PSMB5: variants seen among roughly 807,000 people sequenced by gnomAD.
PSMB5 encodes proteasome 20S subunit beta 5.
A neutral mutation model predicts 22.8 loss-of-function variants in PSMB5; 2 were observed. The ratio of observed to expected loss-of-function variants is 0.09; its 90% CI spans 0.04 to 0.28. The LOEUF (loss-of-function observed/expected upper bound fraction) is 0.28, where lower values mean the gene tolerates loss of function less well. PSMB5 is among the 10% of genes least tolerant of loss of function. The pLI, the probability that PSMB5 is intolerant of heterozygous loss-of-function variation, is 1.00. For missense variants in PSMB5, 269 were observed against 343.8 expected (o/e 0.78, Z 1.72); for synonymous variants, 133 against 135.3 (o/e 0.98, Z 0.12).
chr14:23,026,371 G>A lies in PSMB5; in HGVS notation c.510C>T (p.Leu170=), dbSNP rs774264387. The change falls in exon 3 of 3, where the codon CTC becomes CTT. Residue 170 remains leucine, a synonymous_variant. Transcript: ENST00000361611. ...GGTTCCCTTCACTGTCCACGTAGTA[G>A]AGGCCTGGAAAGGGAGATGAGGTTA... The part of the protein sequence containing the change: ...ICGWDKRGPG[L]YYVDSEGNRI... 21 of 1,613,506 alleles carry A rather than the reference G, an allele frequency of 1.3e-5. No homozygotes were observed. The highest frequency in any genetic ancestry group is 8.3e-5 in the Admixed American group (5 of 59,970).
chr14:23,031,761 G>A (rs1594714397), intron 2 of PSMB5, among the ~76,000 whole-genome samples: 1 of 152,168 alleles, frequency 6.6e-6, no homozygotes, highest in Non-Finnish European at 1.5e-5. Flanking sequence ...TAGCATGATT[G>A]TAAGGGTGAT....
At chr14:23,027,338 G>A (rs1236313213) in intron 2 of PSMB5, among the ~76,000 whole-genome samples, 8 of 145,354 alleles carry the variant, frequency 5.5e-5, no homozygotes, top group African/African-American at 1.8e-4. Context: ...CCGAGATCGC[G>A]CCACTGCACT....
intron 2 of PSMB5, among the ~76,000 whole-genome samples, chr14:23,032,892 C>T (rs902969787): frequency 1.0e-4 from 15 of 147,530 alleles, no homozygotes; most frequent in African/African-American, 3.5e-4. Context: ...CCACCACGCC[C>T]GGCCTTCAAC....
In PSMB5 at chr14:23,033,684, T is replaced by A; in HGVS notation, c.199-10A>T. 3 of 1,596,148 alleles carry A rather than the reference T, an allele frequency of 1.9e-6. No individual in the cohort carries two copies. Among genetic ancestry groups the A allele is most frequent in the Non-Finnish European group, 2.6e-6 (3 of 1,166,692 alleles). ...TGACTCCATGGCGGAACTGTTAAGA[T>A]CAGAGGAAAACACAAAACAGGCCAC... On this transcript the variant is annotated splice_polypyrimidine_tract_variant and intron_variant, in intron 1 of 2. Coordinates refer to ENST00000361611, the MANE Select transcript of PSMB5 (RefSeq NM_002797.5).
At chr14:23,034,614 G>T in intron 1 of PSMB5, 70 bp downstream of exon 1, 1 of 1,556,888 alleles carries the variant, frequency 6.4e-7, no homozygotes, top group South Asian at 1.2e-5. Flanking sequence ...CGCAAACTCC[G>T]GTCAGGCTGG....
In PSMB5 at chr14:23,033,382, T is replaced by A. The variant is rs746423543; in HGVS notation, c.491A>T (p.Asp164Val). 2 of 1,610,308 alleles carry A rather than the reference T, an allele frequency of 1.2e-6. No individual in the cohort carries two copies. Among genetic ancestry groups the A allele is most frequent in the South Asian group, 2.2e-5 (2 of 91,018 alleles). The change falls in exon 2 of 3, where the codon GAT (aspartate) becomes GTT (valine). Residue 164 changes from aspartate (D) to valine (V), a missense_variant. This residue lies in a region of PSMB5 where 113 missense variants were observed against 130.2 expected (regional missense o/e 0.87). Coordinates refer to ENST00000361611, the MANE Select transcript of PSMB5 (RefSeq NM_002797.5). ...GCTTAACTCACCAGGGCCTCTCTTA[T>A]CCCAGCCACAGATCATGGTGCCCAT... ...LSMGTMICGW[D>V]KRGPGLYYVD...
At position 23,034,604 on chromosome 14, in the gene PSMB5, C is replaced by T. The variant is rs1393511360; in HGVS notation, c.198+80G>A. 4 of 1,536,376 alleles carry T rather than the reference C, an allele frequency of 2.6e-6. No individual in the cohort carries two copies. In the South Asian group the frequency reaches 3.5e-5, roughly 14 times the overall value. ...CGCCTGGGTTGGTGGCCAAGGCCAC[C>T]GCAAACTCCGGTCAGGCTGGGAGGC... On this transcript the variant is annotated intron_variant, in intron 1 of 2. Transcript: ENST00000361611.
chr14:23,030,182 G>A (rs2046942841), intron 2 of PSMB5, among the ~76,000 whole-genome samples: 1 of 151,108 alleles, frequency 6.6e-6, no homozygotes, highest in African/African-American at 2.4e-5. Context: ...CCAGCCAACT[G>A]GTTCTTTTAA....
intron 1 of PSMB5, 104 bp downstream of exon 1, chr14:23,034,580 G>T: frequency 2.2e-6 from 3 of 1,365,620 alleles, no homozygotes; most frequent in Non-Finnish European, 3.0e-6. Context: ...CCCAGCCTCC[G>T]CCTGGGTTGG....
At chr14:23,031,957 C>T (rs1293421768) in intron 2 of PSMB5, among the ~76,000 whole-genome samples, 1 of 150,908 alleles carries the variant, frequency 6.6e-6, no homozygotes, top group Non-Finnish European at 1.5e-5. Flanking sequence ...CGCATGGTGG[C>T]ATATGCCTGT....
intron 2 of PSMB5, among the ~76,000 whole-genome samples, chr14:23,031,571 T>C (rs1305406125): frequency 2.0e-5 from 3 of 152,146 alleles, no homozygotes; most frequent in African/African-American, 7.2e-5. Context: ...TTTTTAAGCA[T>C]ATGGAAGGGA....
chr14:23,034,953 A>C (rs1469466886), upstream of PSMB5: 9 of 1,532,066 alleles, frequency 5.9e-6, 1 homozygote, highest in Non-Finnish European at 7.9e-6. Context: ...CCTCGCCGTC[A>C]CAGCTTCACT....
chr14:23,033,217 A>G (rs2046966477), intron 2 of PSMB5, 151 bp downstream of exon 2: 5 of 859,278 alleles, frequency 5.8e-6, no homozygotes, highest in Non-Finnish European at 7.0e-6. Flanking sequence ...ACAGTCTAAA[A>G]AAACAGGAAA....
At chr14:23,028,406 A>G (rs2046931203) in intron 2 of PSMB5, among the ~76,000 whole-genome samples, 1 of 152,236 alleles carries the variant, frequency 6.6e-6, no homozygotes, top group Admixed American at 6.5e-5. Flanking sequence ...TCCATATGGT[A>G]GCCACTAGCC....
chr14:23,034,074 G>A (rs1481794441), intron 1 of PSMB5, among the ~76,000 whole-genome samples: 1 of 151,568 alleles, frequency 6.6e-6, no homozygotes, highest in Non-Finnish European at 1.5e-5. Context: ...TGGAGGCTGA[G>A]GCGCTGGAGC....
chr14:23,027,260 A>G (rs1027657877), intron 2 of PSMB5, among the ~76,000 whole-genome samples: 4 of 150,876 alleles, frequency 2.7e-5, no homozygotes, highest in Non-Finnish European at 4.4e-5. Context: ...GGTCGCCTGC[A>G]GTCCCAGCTA....
intron 2 of PSMB5, among the ~76,000 whole-genome samples, chr14:23,031,932 T>C (rs1480853134): frequency 6.6e-6 from 1 of 151,262 alleles, no homozygotes; most frequent in Non-Finnish European, 1.5e-5. Flanking sequence ...CTACTAAAAA[T>C]ACAAAAATTA....
chr14:23,033,540 G>A lies in PSMB5; in HGVS notation c.333C>T (p.Cys111=). ...LGTMAGGAAD[C]SFWERLLARQ... ...GAGCCAACAGCCGTTCCCAGAAGCTGCAATCCGCTGCGCCCCCAGCCATGG... is the reference window on the plus strand; with the variant it reads ...GAGCCAACAGCCGTTCCCAGAAGCTACAATCCGCTGCGCCCCCAGCCATGG... The change falls in exon 2 of 3, where the codon TGC becomes TGT. Residue 111 remains cysteine, a synonymous_variant. Coordinates refer to ENST00000361611, the MANE Select transcript of PSMB5 (RefSeq NM_002797.5). The A allele has an allele frequency of 6.2e-7, 1 of 1,614,152 alleles. No homozygotes were observed. The highest frequency in any genetic ancestry group is 8.5e-7 in the Non-Finnish European group (1 of 1,180,040).
At chr14:23,027,756 G>A in intron 2 of PSMB5, 1 of 1,546,518 alleles carries the variant, frequency 6.5e-7, no homozygotes, top group South Asian at 1.2e-5. Context: ...TTGCCATGTT[G>A]CCGATCCTCT....
Sources: allele counts gnomAD v4.1 joint callset (sites outside exome capture counted in the v4.1 genomes callset), GRCh38; gene constraint gnomAD v4.1.1; regional missense constraint gnomAD v4.1.1; transcripts MANE v1.5; gene names NCBI Gene and HGNC (gene_info 2026-07-23, HGNC 2026-07-21).